The following SNTB2 variants were observed in gnomAD, a reference collection of about 807,000 sequenced individuals.
SNTB2 encodes beta-2-syntrophin.
Under a neutral mutation model 46.2 loss-of-function variants are expected in SNTB2, and 34 were observed. That is an observed-to-expected ratio of 0.74 (90% CI 0.56 to 0.98). SNTB2 has a LOEUF of 0.98. Ranked by LOEUF, SNTB2 falls within the 50% of genes least tolerant of loss-of-function variation. The pLI, the probability that SNTB2 is intolerant of heterozygous loss-of-function variation, is 0.00. For synonymous variants in SNTB2, 290 were observed against 312.6 expected, an observed-to-expected ratio of 0.93 and a Z score of 0.76; for missense variants, 603 against 731.4, an observed-to-expected ratio of 0.82 and a Z score of 2.02.
chr16:69,227,789 T>C (rs1397766965), intron 1 of SNTB2, among the ~76,000 whole-genome samples: 2 of 151,898 alleles, frequency 1.3e-5, no homozygotes, highest in Non-Finnish European at 2.9e-5. Context: ...CTATAAAAAT[T>C]GGTCCTTTCC....
In SNTB2 at chr16:69,230,749, T is replaced by C. The variant is rs1283152180; in HGVS notation, c.581-14853T>C. 2.1e-5 allele frequency among the ~76,000 whole-genome samples: 3 copies of C among 145,704 alleles called. No individual in the cohort carries two copies. The Admixed American group carries it at 2.1e-4, about 10-fold the overall frequency. On this transcript the variant is annotated intron_variant, in intron 1 of 6. Transcript: ENST00000336278. ...ATTCCTAACCAACCCGTTTCTTTCT[T>C]TTTTTTTTTTTTTGAGACAGAGTCT... is the stretch of plus-strand genomic sequence containing the variant.
At chr16:69,268,233 G>A (rs556992201) in intron 3 of SNTB2, among the ~76,000 whole-genome samples, 7 of 152,284 alleles carry the variant, frequency 4.6e-5, no homozygotes, top group African/African-American at 1.7e-4. Context: ...GGAGGCTGAG[G>A]TGGGTGGATC....
At chr16:69,238,627 T>C (rs1367924571) in intron 1 of SNTB2, among the ~76,000 whole-genome samples, 1 of 152,188 alleles carries the variant, frequency 6.6e-6, no homozygotes, top group African/African-American at 2.4e-5. Context: ...GTCTAATGTA[T>C]GTCTCAAGTT....
At chr16:69,275,247 T>C (rs1178754956) in intron 4 of SNTB2, among the ~76,000 whole-genome samples, 2 of 152,094 alleles carry the variant, frequency 1.3e-5, no homozygotes, top group Non-Finnish European at 2.9e-5. Flanking sequence ...TAATTTTTTA[T>C]GGAGGTGAGG....
intron 1 of SNTB2, among the ~76,000 whole-genome samples, chr16:69,227,111 C>G (rs1031042414): frequency 1.2e-4 from 19 of 152,184 alleles, no homozygotes; most frequent in African/African-American, 4.3e-4. Context: ...AATCCTTAAT[C>G]TAGAGCAATT....
chr16:69,235,706 G>A, intron 1 of SNTB2: 8 of 1,285,286 alleles, frequency 6.2e-6, no homozygotes, highest in Non-Finnish European at 8.1e-6. Context: ...GTATCCCCAG[G>A]GCTAACAACA....
chr16:69,300,826 C>G lies in SNTB2; in HGVS notation c.1531-6C>G, dbSNP rs778836453. ...GGTAGTGATGCTTAGTGTCCTTTCT[C>G]CACAGACCATGGACCTGCACTCTTG... is the stretch of plus-strand genomic sequence containing the variant. On this transcript the variant is annotated splice_polypyrimidine_tract_variant and splice_region_variant and intron_variant, in intron 6 of 6. Transcript: ENST00000336278. 1.2e-6 allele frequency: 2 copies of G among 1,605,514 alleles called. No homozygotes were observed. The highest frequency in any genetic ancestry group is 1.1e-5 in the South Asian group (1 of 90,900).
At chr16:69,292,406 ATTATATATATATTATATATATATATATAT>A (rs1417418230) in intron 5 of SNTB2, among the ~76,000 whole-genome samples, 665 of 36,442 alleles carry the variant, frequency 0.018, 112 homozygotes, top group Admixed American at 0.057. Flanking sequence ...ATATATATAT[ATTATATATATATTATATATATATATATAT>A]TATATATATA....
At chr16:69,199,467 C>A (rs571933286) in intron 1 of SNTB2, among the ~76,000 whole-genome samples, 1 of 151,930 alleles carries the variant, frequency 6.6e-6, no homozygotes, top group Non-Finnish European at 1.5e-5. Context: ...CAGTGGCTCA[C>A]GCCTGTAGTC....
chr16:69,229,473 ATT>A (rs546123559), intron 1 of SNTB2, among the ~76,000 whole-genome samples: 34 of 130,976 alleles, frequency 2.6e-4, no homozygotes, highest in South Asian at 2.5e-4. Flanking sequence ...GCCTGCCTGA[ATT>A]TTTTTTTTTT....
intron 1 of SNTB2, among the ~76,000 whole-genome samples, chr16:69,225,545 G>T (rs1226462728): frequency 6.6e-6 from 1 of 152,168 alleles, no homozygotes; most frequent in African/African-American, 2.4e-5. Flanking sequence ...ATTTGCTGCT[G>T]TTACATCCAA....
chr16:69,269,123 C>T (rs1391584759), intron 3 of SNTB2, among the ~76,000 whole-genome samples: 1 of 149,796 alleles, frequency 6.7e-6, no homozygotes, highest in East Asian at 2.0e-4. Context: ...AAGCCGAGAT[C>T]GCACCATTGC....
In SNTB2 at chr16:69,305,234, T is replaced by G. The variant is rs1965308141; in HGVS notation, c.*4310T>G. On this transcript the variant is annotated 3_prime_UTR_variant, in exon 7 of 7. Transcript: ENST00000336278. ...TTACCTTGTATGCTGCTATGCAAAT[T>G]CTATTAAAAGGCCTACCTGCTTAAG... is the stretch of plus-strand genomic sequence containing the variant. 6.6e-6 allele frequency: 1 copy of G among 152,642 alleles called. No homozygotes were observed. The highest frequency in any genetic ancestry group is 1.5e-5 in the Non-Finnish European group (1 of 68,050). 9.5% of individuals were successfully genotyped at this position (152,642 alleles called of 1,614,324 possible). A position where few individuals can be genotyped will look rare whatever the true frequency, so the allele number is the denominator to read the frequency against.
intron 2 of SNTB2, among the ~76,000 whole-genome samples, chr16:69,256,773 A>G (rs1246441449): frequency 6.6e-6 from 1 of 152,220 alleles, no homozygotes; most frequent in Non-Finnish European, 1.5e-5. Flanking sequence ...ATGCTGCTAT[A>G]AACATGGGTG....
At chr16:69,262,075 T>C (rs931238970) in intron 3 of SNTB2, among the ~76,000 whole-genome samples, 18 of 152,046 alleles carry the variant, frequency 1.2e-4, no homozygotes, top group Admixed American at 9.8e-4. Flanking sequence ...AAAAATGAGC[T>C]GGGTGTGGTG....
At chr16:69,279,776 C>T (rs1965021240) in intron 4 of SNTB2, among the ~76,000 whole-genome samples, 1 of 151,648 alleles carries the variant, frequency 6.6e-6, no homozygotes, top group African/African-American at 2.4e-5. Flanking sequence ...GATCCGCCCA[C>T]CTCAGCCTCC....
intron 1 of SNTB2, among the ~76,000 whole-genome samples, chr16:69,239,495 T>A (rs892011937): frequency 6.6e-6 from 1 of 152,134 alleles, no homozygotes. Context: ...TATAATCATA[T>A]CCCTTCTCAC....
intron 1 of SNTB2, among the ~76,000 whole-genome samples, chr16:69,211,141 G>C (rs1964281692): frequency 6.6e-6 from 1 of 151,526 alleles, no homozygotes; most frequent in African/African-American, 2.4e-5. Context: ...AAATTTAATG[G>C]GCTGATTAAA....
At chr16:69,249,781 T>C (rs1381677609) in intron 2 of SNTB2, among the ~76,000 whole-genome samples, 1 of 152,178 alleles carries the variant, frequency 6.6e-6, no homozygotes, top group Non-Finnish European at 1.5e-5. Flanking sequence ...TGCTGCAAAG[T>C]AACTTGTTCT....
Sources: allele counts gnomAD v4.1 joint callset (sites outside exome capture counted in the v4.1 genomes callset), GRCh38; gene constraint gnomAD v4.1.1; transcripts MANE v1.5; gene names NCBI Gene and HGNC (gene_info 2026-07-23, HGNC 2026-07-21).